APMAP: variants seen among roughly 807,000 people sequenced by gnomAD.
The protein encoded by APMAP is adipocyte plasma membrane-associated protein.
In APMAP, 33 loss-of-function variants were observed where a neutral mutation model predicts 43.6. That is an observed-to-expected ratio of 0.76 (90% CI 0.57 to 1.01). The LOEUF (loss-of-function observed/expected upper bound fraction) is 1.01. APMAP is among the 50% of genes least tolerant of loss of function. The pLI is 0.00. For missense variants in APMAP, 498 were observed against 540.7 expected (o/e 0.92, Z 0.78); for synonymous variants, 224 against 216.7 (o/e 1.03, Z -0.30).
chr20:24,982,084 G>A (rs1199926665), intron 2 of APMAP, among the ~76,000 whole-genome samples: 1 of 152,246 alleles, frequency 6.6e-6, no homozygotes, highest in Non-Finnish European at 1.5e-5. Flanking sequence ...GAGCCCAGGA[G>A]AGAGGCCCCT....
chr20:24,963,599 A>G lies in APMAP; in HGVS notation c.*214T>C. 1.7e-6 allele frequency: 1 copy of G among 585,642 alleles called. No individual in the cohort carries two copies. Among genetic ancestry groups the G allele is most frequent in the Non-Finnish European group, 3.0e-6 (1 of 328,484 alleles). 36.3% of individuals were successfully genotyped at this position (585,642 alleles called of 1,614,324 possible). ...CATGAATTTATGTTCCTCATGGCAG[A>G]TATGTTACACTTCCCTCTAAACAGA... On this transcript the variant is annotated 3_prime_UTR_variant, in exon 9 of 9. Coordinates refer to ENST00000217456, the MANE Select transcript of APMAP (RefSeq NM_020531.3).
intron 3 of APMAP, 118 bp downstream of exon 3, chr20:24,978,649 A>C: frequency 7.8e-6 from 6 of 767,512 alleles, no homozygotes; most frequent in Non-Finnish European, 1.3e-5. Context: ...GCAGCTAAGA[A>C]GGATGTGCAG....
At chr20:24,975,440 T>C (rs540460905) in intron 3 of APMAP, among the ~76,000 whole-genome samples, 8 of 152,286 alleles carry the variant, frequency 5.3e-5, no homozygotes, top group African/African-American at 1.9e-4. Flanking sequence ...ATCCAAAAGA[T>C]TGGCATACTT....
intron 4 of APMAP, among the ~76,000 whole-genome samples, chr20:24,973,416 A>G (rs528327857): frequency 6.6e-6 from 1 of 152,364 alleles, no homozygotes; most frequent in East Asian, 1.9e-4. Flanking sequence ...CAGGGGCCAC[A>G]GCCACTACCC....
intron 2 of APMAP, among the ~76,000 whole-genome samples, chr20:24,983,381 G>A (rs146070703): frequency 6.6e-6 from 1 of 152,304 alleles, no homozygotes; most frequent in East Asian, 1.9e-4. Context: ...TCACACTGAT[G>A]AGAGCCTGGC....
At chr20:24,979,943 G>A (rs893848923) in intron 2 of APMAP, among the ~76,000 whole-genome samples, 2 of 152,094 alleles carry the variant, frequency 1.3e-5, no homozygotes, top group African/African-American at 4.8e-5. Context: ...CCACCCAGGA[G>A]GCCCACTCTG....
chr20:24,971,092 G>C (rs1397829251), intron 5 of APMAP, among the ~76,000 whole-genome samples: 2 of 152,194 alleles, frequency 1.3e-5, no homozygotes, highest in Non-Finnish European at 2.9e-5. Flanking sequence ...GAAAGGAAGA[G>C]ACAAAGGGGA....
intron 2 of APMAP, among the ~76,000 whole-genome samples, chr20:24,981,609 T>A (rs899400382): frequency 6.6e-6 from 1 of 152,228 alleles, no homozygotes; most frequent in Non-Finnish European, 1.5e-5. Context: ...ATAAAGGTTG[T>A]TGCTATTTTT....
At chr20:24,971,914 G>T (rs2088005003) in intron 4 of APMAP, among the ~76,000 whole-genome samples, 1 of 151,612 alleles carries the variant, frequency 6.6e-6, no homozygotes, top group African/African-American at 2.4e-5. Flanking sequence ...GGTGCTTATT[G>T]CAGGGTGTTC....
At position 24,992,570 on chromosome 20, in the gene APMAP, G is replaced by T. The variant is rs114853410; in HGVS notation, c.95+24C>A. The T allele has an allele frequency of 3.4e-6, 5 of 1,473,328 alleles. No individual in the cohort carries two copies. In the African/African-American group the frequency reaches 7.2e-5, roughly 21 times the overall value. 91.3% of individuals were successfully genotyped at this position (1,473,328 alleles called of 1,614,324 possible). ...CCACTCCTAGCGGCCCGGCTCCAGC[G>T]CCCAGTCTGGGAGTCCGCCCTACCT... is the stretch of plus-strand genomic sequence containing the variant. On this transcript the variant is annotated intron_variant, in intron 1 of 8. Coordinates refer to ENST00000217456, the MANE Select transcript of APMAP (RefSeq NM_020531.3).
At chr20:24,974,738 A>T (rs1423295911) in intron 3 of APMAP, among the ~76,000 whole-genome samples, 1 of 152,244 alleles carries the variant, frequency 6.6e-6, no homozygotes, top group African/African-American at 2.4e-5. Context: ...AAGGAAAGTT[A>T]TCAGGGATAA....
At chr20:24,971,051 G>T (rs556209102) in intron 5 of APMAP, among the ~76,000 whole-genome samples, 1 of 152,292 alleles carries the variant, frequency 6.6e-6, no homozygotes, top group East Asian at 1.9e-4. Context: ...GCAATCAGGG[G>T]AGAGAAGAGG....
At chr20:24,969,133 G>GA (rs745436524) in intron 7 of APMAP, 49 bp from the exon 8 acceptor site, 12 of 1,502,312 alleles carry the variant, frequency 8.0e-6, no homozygotes, top group East Asian at 2.4e-5. Context: ...CTCAATTTCA[G>GA]AAAAAAAATT....
chr20:24,979,022 G>A, intron 2 of APMAP, 140 bp from the exon 3 acceptor site: 3 of 644,062 alleles, frequency 4.7e-6, no homozygotes, highest in Admixed American at 5.3e-5. Flanking sequence ...CAAGGGTTAA[G>A]AAAAAACTGT....
rs2087918579 is a variant in APMAP, at chr20:24,963,813, C to T, written c.1251G>A (p.Ter417=). 5 of 1,613,990 alleles carry T rather than the reference C, an allele frequency of 3.1e-6. No homozygotes were observed. Among genetic ancestry groups the T allele is most frequent in the Non-Finnish European group, 4.2e-6 (5 of 1,179,952 alleles). Residue 417 remains the stop codon, a stop_retained_variant, in exon 9 of 9, where the codon TAG becomes TAA. Coordinates refer to ENST00000217456, the MANE Select transcript of APMAP (RefSeq NM_020531.3). ...TGGCAGGGGCAGCTATCTGGGAGGG[C>T]TAAACAGCCTGGAGGCTGAGTCTGC... ...FLCRLSLQAV[*]
intron 8 of APMAP, among the ~76,000 whole-genome samples, chr20:24,968,300 CT>C (rs35507125): frequency 6.6e-6 from 1 of 151,896 alleles, no homozygotes; most frequent in Admixed American, 6.6e-5. Context: ...GGGTGGGTGA[CT>C]TTTTTTTAAA....
intron 2 of APMAP, among the ~76,000 whole-genome samples, chr20:24,982,257 TC>T (rs2088111185): frequency 1.0e-5 from 1 of 98,722 alleles, no homozygotes; most frequent in African/African-American, 4.5e-5. Flanking sequence ...AGGAGAGAGG[TC>T]CCTGTTGGCT....
chr20:24,976,538 A>T (rs182584333), intron 3 of APMAP, among the ~76,000 whole-genome samples: 201 of 152,336 alleles, frequency 1.3e-3, no homozygotes, highest in Non-Finnish European at 2.0e-3. Flanking sequence ...CACTGACACC[A>T]CCAAATGCTG....
chr20:24,974,906 C>T (rs2088037743), intron 3 of APMAP, among the ~76,000 whole-genome samples: 1 of 152,130 alleles, frequency 6.6e-6, no homozygotes, highest in Non-Finnish European at 1.5e-5. Context: ...GAGACTTCAA[C>T]AATCTAAACA....
Sources: allele counts gnomAD v4.1 joint callset (sites outside exome capture counted in the v4.1 genomes callset), GRCh38; gene constraint gnomAD v4.1.1; transcripts MANE v1.5; gene names NCBI Gene and HGNC (gene_info 2026-07-23, HGNC 2026-07-21).